Variants in TMEM232 observed in about 807,000 individuals in gnomAD.
TMEM232 encodes the protein transmembrane protein 232.
In TMEM232, 80 loss-of-function variants were observed where a neutral mutation model predicts 78.8. The observed-to-expected ratio is 1.01, with a 90% confidence interval of 0.85 to 1.22. TMEM232 has a LOEUF of 1.22. Ranked by LOEUF, TMEM232 falls within the 50% of genes most tolerant of loss-of-function variation. The probability of loss-of-function intolerance (pLI) is 0.00; values close to 1 mark genes in which losing one functional copy is unlikely to be tolerated. For synonymous variants in TMEM232, 297 were observed against 254.3 expected, an observed-to-expected ratio of 1.17 and a Z score of -1.60; for missense variants, 881 against 742.2, an observed-to-expected ratio of 1.19 and a Z score of -2.17.
chr5:110,391,533 G>C (rs1755197162), intron 3 of TMEM232, among the ~76,000 whole-genome samples: 1 of 151,966 alleles, frequency 6.6e-6, no homozygotes, highest in Non-Finnish European at 1.5e-5. Context: ...AAAGGGAATA[G>C]GTAATATTAA....
intron 10 of TMEM232, among the ~76,000 whole-genome samples, chr5:110,568,848 C>G (rs1262081090): frequency 6.6e-6 from 1 of 151,836 alleles, no homozygotes; most frequent in Non-Finnish European, 1.5e-5. Context: ...AAAAGAAAAA[C>G]TGCACCTAAC....
chr5:110,482,154 AAAC>A (rs1296656272), intron 12 of TMEM232, among the ~76,000 whole-genome samples: 76 of 152,312 alleles, frequency 5.0e-4, no homozygotes, highest in African/African-American at 1.7e-3. Flanking sequence ...TATCACATCC[AAAC>A]AACAAGAGCA....
At chr5:110,716,759 G>A (rs1486770064) in intron 1 of TMEM232, among the ~76,000 whole-genome samples, 1 of 152,110 alleles carries the variant, frequency 6.6e-6, no homozygotes, top group Non-Finnish European at 1.5e-5. Flanking sequence ...CACTCTTTTT[G>A]CCAACTAAAC....
chr5:110,563,347 T>A (rs1775968151), intron 11 of TMEM232, among the ~76,000 whole-genome samples: 1 of 152,014 alleles, frequency 6.6e-6, no homozygotes, highest in South Asian at 2.1e-4. Flanking sequence ...AAAAAGAATA[T>A]CTTATATCAA....
At chr5:110,538,172 G>C (rs1319145919) in intron 11 of TMEM232, among the ~76,000 whole-genome samples, 1 of 152,188 alleles carries the variant, frequency 6.6e-6, no homozygotes, top group Non-Finnish European at 1.5e-5. Context: ...TCCAGCCATG[G>C]ACTTATGGCA....
intron 2 of TMEM232, among the ~76,000 whole-genome samples, chr5:110,647,054 A>G (rs910283470): frequency 6.6e-6 from 1 of 151,866 alleles, no homozygotes; most frequent in Non-Finnish European, 1.5e-5. Context: ...CCAGAGAGTT[A>G]TAATTCATTT....
upstream of TMEM232, among the ~76,000 whole-genome samples, chr5:110,728,335 A>G (rs193095613): frequency 1.7e-3 from 259 of 152,024 alleles, no homozygotes; most frequent in African/African-American, 5.9e-3. Flanking sequence ...CAGAAAAAGC[A>G]TAAAATTTAT....
intron 2 of TMEM232, among the ~76,000 whole-genome samples, chr5:110,411,336 G>A (rs1306408415): frequency 6.6e-6 from 1 of 152,136 alleles, no homozygotes; most frequent in East Asian, 1.9e-4. Flanking sequence ...ATGGTGTGAT[G>A]TCTTGGGATG....
At position 110,597,887 on chromosome 5, in the gene TMEM232, G is replaced by A. The variant is rs1001246637; in HGVS notation, c.1276+7222C>T. Among the ~76,000 whole-genome samples the A allele has an allele frequency of 2.5e-3, 386 of 152,258 alleles. 2 individuals are homozygous for A. Among genetic ancestry groups the A allele is most frequent in the African/African-American group, 7.5e-3 (312 of 41,536 alleles). On this transcript the variant is annotated intron_variant, in intron 10 of 13. Transcript: ENST00000455884. ...TTCAAGATGGATTAAAGAGTTAAAT[G>A]TTAGACCTAAAACCATAAAAACCCT...
intron 11 of TMEM232, among the ~76,000 whole-genome samples, chr5:110,559,011 A>T (rs1015703484): frequency 6.6e-6 from 1 of 152,158 alleles, no homozygotes; most frequent in Non-Finnish European, 1.5e-5. Flanking sequence ...TAGATTTTCC[A>T]GGGATCTGCT....
chr5:110,624,927 T>A (rs189094849), intron 7 of TMEM232, among the ~76,000 whole-genome samples: 3 of 152,222 alleles, frequency 2.0e-5, no homozygotes, highest in Admixed American at 2.0e-4. Flanking sequence ...TTATAAACTG[T>A]AAAATAATAA....
intron 1 of TMEM232, chr5:110,737,943 A>T: frequency 6.4e-6 from 1 of 155,580 alleles, no homozygotes; most frequent in Non-Finnish European, 1.4e-5. Flanking sequence ...TATACATTTT[A>T]ATGTACGCTA....
chr5:110,606,643 T>C (rs1781578041), intron 8 of TMEM232, among the ~76,000 whole-genome samples: 1 of 151,972 alleles, frequency 6.6e-6, no homozygotes, highest in South Asian at 2.1e-4. Context: ...TGCAACTGAT[T>C]CCACAAGGTG....
chr5:110,733,495 T>C (rs566118964), intron 2 of TMEM232, among the ~76,000 whole-genome samples: 39 of 152,276 alleles, frequency 2.6e-4, no homozygotes, highest in African/African-American at 8.9e-4. Context: ...TGGAATACTA[T>C]GCAGCCATAA....
At chr5:110,518,010 T>C (rs1309391895) in intron 12 of TMEM232, among the ~76,000 whole-genome samples, 2 of 152,196 alleles carry the variant, frequency 1.3e-5, no homozygotes, top group East Asian at 3.8e-4. Context: ...TCATCCTCAG[T>C]ATGTCTCTTC....
intron 12 of TMEM232, among the ~76,000 whole-genome samples, chr5:110,483,575 A>T (rs1007996947): frequency 7.9e-5 from 12 of 152,044 alleles, no homozygotes; most frequent in Non-Finnish European, 1.8e-4. Context: ...CAGGGAGGGG[A>T]ACATCACACA....
At chr5:110,615,701 T>G (rs1470207786) in intron 8 of TMEM232, among the ~76,000 whole-genome samples, 2 of 151,974 alleles carry the variant, frequency 1.3e-5, no homozygotes. Context: ...CTATCTTTGT[T>G]TGCTGACCAA....
chr5:110,535,751 C>T (rs1307778880), intron 11 of TMEM232, among the ~76,000 whole-genome samples: 1 of 152,096 alleles, frequency 6.6e-6, no homozygotes. Context: ...AAAATGATGT[C>T]TTCTCATGAT....
At chr5:110,431,784 GAA>G (rs1757883274) in intron 12 of TMEM232, among the ~76,000 whole-genome samples, 1 of 151,674 alleles carries the variant, frequency 6.6e-6, no homozygotes, top group Non-Finnish European at 1.5e-5. Context: ...AGACATAGCA[GAA>G]AAGAAGATTG....
Sources: allele counts gnomAD v4.1 joint callset (sites outside exome capture counted in the v4.1 genomes callset), GRCh38; gene constraint gnomAD v4.1.1; transcripts MANE v1.5; gene names NCBI Gene and HGNC (gene_info 2026-07-23, HGNC 2026-07-21).